ADD3: variants seen among roughly 807,000 people sequenced by gnomAD.
ADD3 encodes adducin 3, also known as gamma-adducin.
In ADD3, 25 loss-of-function variants were observed where a neutral mutation model predicts 80.2. The observed-to-expected ratio is 0.31, with a 90% CI of 0.23 to 0.44. The LOEUF (loss-of-function observed/expected upper bound fraction) is 0.44. Ranked by LOEUF, ADD3 falls within the 20% of genes least tolerant of loss-of-function variation. The pLI is 1.00. For synonymous variants in ADD3, 284 were observed against 289.6 expected, an observed-to-expected ratio of 0.98 and a Z score of 0.20; for missense variants, 829 against 847.5, an observed-to-expected ratio of 0.98 and a Z score of 0.27.
chr10:110,078,233 T>C (rs903280765), intron 1 of ADD3, among the ~76,000 whole-genome samples: 1 of 152,130 alleles, frequency 6.6e-6, no homozygotes, highest in Non-Finnish European at 1.5e-5. Flanking sequence ...GAGACTGTTT[T>C]ACCTCTTTGG....
intron 1 of ADD3, among the ~76,000 whole-genome samples, chr10:110,099,485 A>G (rs371107493): frequency 2.0e-5 from 3 of 152,192 alleles, no homozygotes; most frequent in African/African-American, 4.8e-5. Context: ...TTAGTGGATC[A>G]TCAATCAATT....
At chr10:110,000,968 A>T (rs971071229), upstream of ADD3, among the ~76,000 whole-genome samples, 3 of 152,236 alleles carry the variant, frequency 2.0e-5, no homozygotes, top group Admixed American at 2.0e-4. Flanking sequence ...AGAACACTAG[A>T]CAAGAATAAT....
At chr10:110,132,578 C>A (rs1216228671) in intron 14 of ADD3, 178 bp downstream of exon 14, 3 of 570,064 alleles carry the variant, frequency 5.3e-6, no homozygotes, top group African/African-American at 3.8e-5. Context: ...TACTTTTGTT[C>A]AGCATTTATA....
intron 1 of ADD3, among the ~76,000 whole-genome samples, chr10:110,090,884 AG>A (rs1847416503): frequency 6.6e-6 from 1 of 152,202 alleles, no homozygotes; most frequent in Non-Finnish European, 1.5e-5. Context: ...TTTTAAACTA[AG>A]GCTCAGTCCT....
chr10:110,004,630 C>T (rs1349553600), upstream of ADD3, among the ~76,000 whole-genome samples: 2 of 151,816 alleles, frequency 1.3e-5, no homozygotes, highest in Non-Finnish European at 2.9e-5. Context: ...AATTTCAATC[C>T]AACTTCCTCA....
At chr10:110,116,522 G>A in intron 4 of ADD3, 112 bp downstream of exon 4, 1 of 1,094,812 alleles carries the variant, frequency 9.1e-7, no homozygotes, top group Non-Finnish European at 1.3e-6. Flanking sequence ...TCTAAACCTA[G>A]TATGCTAGAT....
chr10:110,102,533 G>A (rs1425146792), intron 2 of ADD3, among the ~76,000 whole-genome samples: 1 of 152,186 alleles, frequency 6.6e-6, no homozygotes, highest in Non-Finnish European at 1.5e-5. Flanking sequence ...CTTGAGCCCA[G>A]TAGATCAAGG....
At chr10:109,998,429 C>T (rs1483435105) in intron 1 of ADD3, among the ~76,000 whole-genome samples, 2 of 152,228 alleles carry the variant, frequency 1.3e-5, no homozygotes, top group Non-Finnish European at 2.9e-5. Context: ...GACCCCATTT[C>T]CTCTTGTCAG....
intron 1 of ADD3, among the ~76,000 whole-genome samples, chr10:110,074,472 T>G (rs1004109233): frequency 2.0e-5 from 3 of 152,128 alleles, no homozygotes; most frequent in African/African-American, 7.2e-5. Context: ...GTACAGGCAC[T>G]AGGAGTGCGT....
chr10:110,115,652 C>T (rs546563103), intron 3 of ADD3, among the ~76,000 whole-genome samples: 1 of 152,264 alleles, frequency 6.6e-6, no homozygotes, highest in Admixed American at 6.5e-5. Flanking sequence ...GATAGTATCA[C>T]ATGGGCCTCG....
intron 1 of ADD3, among the ~76,000 whole-genome samples, chr10:110,085,613 C>T (rs1846629598): frequency 1.3e-5 from 2 of 152,176 alleles, no homozygotes; most frequent in Admixed American, 6.5e-5. Context: ...GATCTACTGC[C>T]ATATGCAAAG....
chr10:110,089,793 A>G (rs1490456331), intron 1 of ADD3, among the ~76,000 whole-genome samples: 2 of 152,066 alleles, frequency 1.3e-5, no homozygotes, highest in African/African-American at 2.4e-5. Flanking sequence ...GTTGGGAACA[A>G]TTCAAGTTAA....
intron 2 of ADD3, among the ~76,000 whole-genome samples, chr10:110,104,617 G>A (rs572788365): frequency 6.6e-6 from 1 of 152,196 alleles, no homozygotes; most frequent in Non-Finnish European, 1.5e-5. Context: ...GTTTGTAAGT[G>A]ACAAATTTAT....
intron 1 of ADD3, among the ~76,000 whole-genome samples, chr10:110,049,620 G>C (rs1413484407): frequency 6.6e-6 from 1 of 152,180 alleles, no homozygotes. Context: ...AGGCGCGGTG[G>C]CTCATGCCTG....
At chr10:110,077,434 C>T (rs7901080) in intron 1 of ADD3, among the ~76,000 whole-genome samples, 18,905 of 151,972 alleles carry the variant, frequency 0.12, 3,758 homozygotes, top group African/African-American at 0.42. Flanking sequence ...ATGCTTGAAG[C>T]AGTGTTTTGT....
chr10:110,085,292 A>G (rs1846586833), intron 1 of ADD3, among the ~76,000 whole-genome samples: 1 of 152,234 alleles, frequency 6.6e-6, no homozygotes, highest in Non-Finnish European at 1.5e-5. Flanking sequence ...TATAATCTGG[A>G]GACCAGGATC....
At chr10:110,071,735 G>A (rs1401402087) in intron 1 of ADD3, among the ~76,000 whole-genome samples, 1 of 152,054 alleles carries the variant, frequency 6.6e-6, no homozygotes, top group African/African-American at 2.4e-5. Flanking sequence ...CCTCTAGTTT[G>A]GCAACCTTGA....
At chr10:110,005,934 A>G (rs887196209), upstream of ADD3, 4 of 177,616 alleles carry the variant, frequency 2.3e-5, no homozygotes, top group Admixed American at 6.1e-5. Flanking sequence ...GTAATTGTAG[A>G]GTTTACTAAG....
At chr10:110,121,916 G>C in intron 8 of ADD3, 194 bp from the exon 9 acceptor site, 1 of 452,860 alleles carries the variant, frequency 2.2e-6, no homozygotes. Flanking sequence ...GTCTTGGAAG[G>C]TTTCTTTTTC....
Sources: allele counts gnomAD v4.1 joint callset (sites outside exome capture counted in the v4.1 genomes callset), GRCh38; gene constraint gnomAD v4.1.1; transcripts MANE v1.5; gene names NCBI Gene and HGNC (gene_info 2026-07-23, HGNC 2026-07-21).